Variants in MARCHF4 observed in about 807,000 individuals in gnomAD.
MARCHF4 encodes the protein membrane associated ring-CH-type finger 4, also known as E3 ubiquitin-protein ligase MARCHF4.
Under a neutral mutation model 43.9 loss-of-function variants are expected in MARCHF4, and 14 were observed. That is an observed-to-expected ratio of 0.32 (90% CI 0.21 to 0.50). MARCHF4 has a LOEUF of 0.50. Ranked by LOEUF, MARCHF4 falls within the 20% of genes least tolerant of loss-of-function variation. The pLI, the probability that MARCHF4 is intolerant of heterozygous loss-of-function variation, is 0.98. For synonymous variants in MARCHF4, 226 were observed against 213.3 expected (o/e 1.06, Z -0.52); for missense variants, 468 against 536.7 (o/e 0.87, Z 1.27).
chr2:216,353,324 T>C (rs1433405862), intron 1 of MARCHF4, among the ~76,000 whole-genome samples: 1 of 152,186 alleles, frequency 6.6e-6, no homozygotes, highest in African/African-American at 2.4e-5. Context: ...TCTCTAAACA[T>C]TCTGGTAAAT....
intron 1 of MARCHF4, among the ~76,000 whole-genome samples, chr2:216,329,962 T>C (rs1240965340): frequency 2.0e-5 from 3 of 151,936 alleles, no homozygotes; most frequent in African/African-American, 7.3e-5. Context: ...TGCACACCTG[T>C]CGTCCTAGCT....
Position 216,370,187 on chromosome 2 carries a change from C to G in MARCHF4, c.74G>C (p.Cys25Ser). The change falls in exon 1 of 4, where the codon TGT becomes TCT. Residue 25 changes from cysteine to serine, a missense_variant. Cys to Ser is a moderately radical substitution (Grantham distance 112, BLOSUM62 -1). This residue lies in a region of MARCHF4 where 190 missense variants were observed against 158.5 expected (regional missense o/e 1.20). Transcript: ENST00000273067. ...GCGCAACATCTGGGGGGCTGGGGCACACAATCCATAGCAGTACCAGCCGGA... is the reference window on the plus strand; with the variant it reads ...GCGCAACATCTGGGGGGCTGGGGCAGACAATCCATAGCAGTACCAGCCGGA... ...CCSGWYCYGL[C>S]APAPQMLRHQ... The G allele has an allele frequency of 6.2e-7, 1 of 1,612,900 alleles. No individual in the cohort carries two copies. The highest frequency in any genetic ancestry group is 1.3e-5 in the African/African-American group (1 of 75,030).
chr2:216,262,893 A>G (rs1291896563), intron 3 of MARCHF4, among the ~76,000 whole-genome samples: 4 of 152,248 alleles, frequency 2.6e-5, no homozygotes, highest in Non-Finnish European at 5.9e-5. Context: ...TAACAAAACA[A>G]TATACATTTC....
At chr2:216,279,914 T>G (rs1691101113) in intron 2 of MARCHF4, among the ~76,000 whole-genome samples, 1 of 152,190 alleles carries the variant, frequency 6.6e-6, no homozygotes, top group Non-Finnish European at 1.5e-5. Context: ...GGCTGAGTTT[T>G]TGTTTCTACC....
At chr2:216,312,280 A>G (rs1267483034) in intron 1 of MARCHF4, among the ~76,000 whole-genome samples, 1 of 152,200 alleles carries the variant, frequency 6.6e-6, no homozygotes, top group Non-Finnish European at 1.5e-5. Flanking sequence ...TGCTACAAAG[A>G]ACATGATTTC....
Position 216,369,968 on chromosome 2 carries a change from C to T in MARCHF4, c.293G>A (p.Gly98Asp), listed in dbSNP as rs1360538384. 18 of 1,565,780 alleles carry T rather than the reference C, an allele frequency of 1.1e-5. No homozygotes were observed. Among genetic ancestry groups the T allele is most frequent in the Non-Finnish European group, 1.6e-5 (18 of 1,153,010 alleles). ...AGGTGGCACAGGAGGGGGCTCCCTG[C>T]CCACCACTTCTCGGGGGCCCCTCCA... ...AGWRGPREVVGREPPPVPPPP... is the reference protein window; with the variant it reads ...AGWRGPREVVDREPPPVPPPP... Residue 98 changes from glycine (G) to aspartate (D), a missense_variant, in exon 1 of 4, where the codon GGC becomes GAC. Transcript: ENST00000273067.
rs1241313372 is a variant in MARCHF4, at chr2:216,303,851, C to G, written c.517-20122G>C. ...AGGTTCTGTAGATGAAAAGCAACAC[C>G]AGATTCCAGGAATTGCTTAAAGGTG... On this transcript the variant is annotated intron_variant, in intron 1 of 3. Coordinates refer to ENST00000273067, the MANE Select transcript of MARCHF4 (RefSeq NM_020814.3). Among the ~76,000 whole-genome samples the G allele has an allele frequency of 2.0e-5, 3 of 152,200 alleles. No individual in the cohort carries two copies. In the South Asian group the frequency reaches 6.2e-4, roughly 32 times the overall value.
intron 1 of MARCHF4, among the ~76,000 whole-genome samples, chr2:216,368,776 C>T (rs558733036): frequency 3.3e-5 from 5 of 152,224 alleles, no homozygotes; most frequent in East Asian, 3.8e-4. Context: ...TCACTAACTG[C>T]GTGAGCCTTT....
At chr2:216,332,389 C>T (rs1440812540) in intron 1 of MARCHF4, among the ~76,000 whole-genome samples, 9 of 131,496 alleles carry the variant, frequency 6.8e-5, no homozygotes, top group Non-Finnish European at 1.4e-4. Context: ...AAGACTCTGT[C>T]TAAAAAAAAA....
chr2:216,259,696 A>G lies in MARCHF4; in HGVS notation c.866-17T>C. ...TGATGAGACCTGAGGCAGCAGGGAGAGGAGAAACAGAGGCCAAATGAGAGG... is the reference window on the plus strand; with the variant it reads ...TGATGAGACCTGAGGCAGCAGGGAGGGGAGAAACAGAGGCCAAATGAGAGG... On this transcript the variant is annotated splice_polypyrimidine_tract_variant and intron_variant, in intron 3 of 3. Transcript: ENST00000273067. The G allele has an allele frequency of 6.2e-7, 1 of 1,608,358 alleles. No homozygotes were observed. The highest frequency in any genetic ancestry group is 8.5e-7 in the Non-Finnish European group (1 of 1,176,070).
Position 216,259,096 on chromosome 2 carries a change from T to G in MARCHF4, c.*216A>C. ...ACTTTGTTGTTGAGTTGGTGTTGGT[T>G]TTCATTGTTGTTGTGGAGAGTGGCA... On this transcript the variant is annotated 3_prime_UTR_variant, in exon 4 of 4. Coordinates refer to ENST00000273067, the MANE Select transcript of MARCHF4 (RefSeq NM_020814.3). 1 of 497,672 alleles carries G rather than the reference T, an allele frequency of 2.0e-6. No individual in the cohort carries two copies. Among genetic ancestry groups the G allele is most frequent in the Non-Finnish European group, 3.3e-6 (1 of 301,300 alleles). The allele number at this position is 497,672 out of a possible 1,614,324, so 30.8% of individuals were successfully genotyped here. A position where few individuals can be genotyped will look rare whatever the true frequency, so the allele number is the denominator to read the frequency against.
At chr2:216,358,218 A>C (rs1275730120) in intron 1 of MARCHF4, among the ~76,000 whole-genome samples, 1 of 152,190 alleles carries the variant, frequency 6.6e-6, no homozygotes, top group Non-Finnish European at 1.5e-5. Context: ...GACTTGCCCA[A>C]GGACACACAT....
At chr2:216,358,106 C>T (rs1390061062) in intron 1 of MARCHF4, among the ~76,000 whole-genome samples, 12 of 152,140 alleles carry the variant, frequency 7.9e-5, no homozygotes, top group African/African-American at 2.9e-4. Flanking sequence ...AAGATTTTTG[C>T]ATTCATTGTA....
chr2:216,331,600 G>A (rs1300146015), intron 1 of MARCHF4, among the ~76,000 whole-genome samples: 2 of 152,096 alleles, frequency 1.3e-5, no homozygotes, highest in Non-Finnish European at 2.9e-5. Flanking sequence ...TCAGCAAATT[G>A]AATCCAATGA....
chr2:216,356,325 T>C (rs1235049443), intron 1 of MARCHF4, among the ~76,000 whole-genome samples: 3 of 152,176 alleles, frequency 2.0e-5, no homozygotes, highest in South Asian at 2.1e-4. Context: ...AGTATACTTA[T>C]ACCTGAGGAA....
At chr2:216,329,098 CG>C (rs1692043189) in intron 1 of MARCHF4, among the ~76,000 whole-genome samples, 1 of 151,368 alleles carries the variant, frequency 6.6e-6, no homozygotes, top group Admixed American at 6.6e-5. Flanking sequence ...TAAAAACACC[CG>C]GCCGGGCGCG....
chr2:216,300,498 C>G (rs1375554359), intron 1 of MARCHF4, among the ~76,000 whole-genome samples: 6 of 151,780 alleles, frequency 4.0e-5, no homozygotes, highest in Non-Finnish European at 5.9e-5. Flanking sequence ...TGTGTGCCAC[C>G]ACACCCAGCT....
chr2:216,289,933 C>G (rs1249087162), intron 1 of MARCHF4, among the ~76,000 whole-genome samples: 1 of 152,156 alleles, frequency 6.6e-6, no homozygotes, highest in Non-Finnish European at 1.5e-5. Context: ...CAAGCTGTTA[C>G]AATCTGTGTG....
intron 2 of MARCHF4, among the ~76,000 whole-genome samples, chr2:216,278,316 C>T (rs375036368): frequency 6.6e-6 from 1 of 152,172 alleles, no homozygotes; most frequent in Admixed American, 6.5e-5. Flanking sequence ...CTCCACCTCC[C>T]GGGTTCACAC....
Sources: allele counts gnomAD v4.1 joint callset (sites outside exome capture counted in the v4.1 genomes callset), GRCh38; gene constraint gnomAD v4.1.1; regional missense constraint gnomAD v4.1.1; transcripts MANE v1.5; gene names NCBI Gene and HGNC (gene_info 2026-07-23, HGNC 2026-07-21).